Variants in CACNA1A observed in about 807,000 individuals in gnomAD.
The protein encoded by CACNA1A is calcium voltage-gated channel subunit alpha1 A, also known as voltage-dependent P/Q-type calcium channel subunit alpha-1A.
A neutral mutation model predicts 262.4 loss-of-function variants in CACNA1A; 57 were observed. That is an observed-to-expected ratio of 0.22 (90% CI 0.18 to 0.27). CACNA1A has a LOEUF of 0.27. CACNA1A is among the 10% of genes least tolerant of loss of function. The probability of loss-of-function intolerance (pLI) is 1.00; values close to 1 mark genes in which losing one functional copy is unlikely to be tolerated. For synonymous variants in CACNA1A, 1,431 were observed against 1,419.3 expected, an observed-to-expected ratio of 1.01 and a Z score of -0.18; for missense variants, 2,526 against 3,562.8, an observed-to-expected ratio of 0.71 and a Z score of 7.41.
At chr19:13,237,931 C>G (rs764748957) in intron 31 of CACNA1A, among the ~76,000 whole-genome samples, 94 of 152,300 alleles carry the variant, frequency 6.2e-4, no homozygotes, top group Non-Finnish European at 1.2e-3. Context: ...CAGGCGGACC[C>G]TGGAAGCAGC....
At chr19:13,284,336 A>G (rs1369670247) in intron 21 of CACNA1A, 2 of 152,208 alleles carry the variant, frequency 1.3e-5, no homozygotes, top group African/African-American at 4.8e-5. Context: ...CAACTAAATA[A>G]AAAAGTACTT....
Position 13,210,854 on chromosome 19 carries a change from C to T in CACNA1A, c.6304-202G>A, listed in dbSNP as rs987339848. 134 of 626,590 alleles carry T rather than the reference C, an allele frequency of 2.1e-4. 2 individuals carry two copies. In the Admixed American group the frequency reaches 3.2e-3, roughly 15 times the overall value. 38.8% of individuals were successfully genotyped at this position (626,590 alleles called of 1,614,324 possible). A position where few individuals can be genotyped will look rare whatever the true frequency, so the allele number is the denominator to read the frequency against. Reference sequence around the variant, plus strand: ...CTGGCGGGTGGGTGTCCCAGGCCCCCGGGGCTGGGCGTCCTCTATTCCCAT... The same window carrying T: ...CTGGCGGGTGGGTGTCCCAGGCCCCTGGGGCTGGGCGTCCTCTATTCCCAT... On this transcript the variant is annotated intron_variant, in intron 43 of 46. Transcript: ENST00000360228.
At chr19:13,220,403 C>T (rs1180384844) in intron 38 of CACNA1A, among the ~76,000 whole-genome samples, 1 of 152,162 alleles carries the variant, frequency 6.6e-6, no homozygotes, top group African/African-American at 2.4e-5. Context: ...AGAATGAGAG[C>T]ACATGGAGGA....
chr19:13,504,007 A>G (rs1379795955), intron 1 of CACNA1A, among the ~76,000 whole-genome samples: 1 of 152,084 alleles, frequency 6.6e-6, no homozygotes, highest in Non-Finnish European at 1.5e-5. Context: ...AGGACACAGC[A>G]GAAGGGCTCC....
chr19:13,290,885 T>C (rs934926739), intron 19 of CACNA1A, among the ~76,000 whole-genome samples: 17 of 152,122 alleles, frequency 1.1e-4, no homozygotes, highest in African/African-American at 4.1e-4. Context: ...GTGGCGGCAT[T>C]TTCTTAGAGG....
At chr19:13,491,749 T>C (rs773054417) in intron 1 of CACNA1A, among the ~76,000 whole-genome samples, 9 of 152,146 alleles carry the variant, frequency 5.9e-5, no homozygotes, top group African/African-American at 1.2e-4. Context: ...GCTGGGAGGA[T>C]TGCTTGAGCC....
At chr19:13,441,776 A>AG (rs1184702922) in intron 3 of CACNA1A, among the ~76,000 whole-genome samples, 1 of 151,778 alleles carries the variant, frequency 6.6e-6, no homozygotes, top group Non-Finnish European at 1.5e-5. Flanking sequence ...CCCTGGTGAG[A>AG]GGAGAGGAGT....
Position 13,286,625 on chromosome 19 carries a change from A to C in CACNA1A, c.3431T>G (p.Leu1144Arg). The C allele has an allele frequency of 7.3e-7, 1 of 1,370,318 alleles. No homozygotes were observed. Among genetic ancestry groups the C allele is most frequent in the South Asian group, 1.3e-5 (1 of 75,942 alleles). The allele number at this position is 1,370,318 out of a possible 1,614,324, so 84.9% of individuals were successfully genotyped here. Reference protein sequence around the residue: ...PGPPKTPENSLIVTNPSGTQT... With the variant: ...PGPPKTPENSRIVTNPSGTQT... ...GGTGCCGCTGGGGTTGGTGACGATA[A>C]GGCTATTCTCGGGGGTCTTGGGGGG... Residue 1144 changes from leucine to arginine, a missense_variant, in exon 20 of 47, where the codon CTT (leucine) becomes CGT (arginine). Physicochemically the swap from Leu to Arg is moderately radical, Grantham distance 102. Around this residue, in one of 17 missense-constraint regions of CACNA1A, gnomAD observed 765 missense variants for 748.6 expected, o/e 1.02. Coordinates refer to ENST00000360228, the MANE Select transcript of CACNA1A (RefSeq NM_001127222.2).
intron 4 of CACNA1A, among the ~76,000 whole-genome samples, chr19:13,368,959 A>C (rs1599301453): frequency 7.8e-6 from 1 of 128,404 alleles, no homozygotes; most frequent in Non-Finnish European, 1.5e-5. Flanking sequence ...AATGGCGTGA[A>C]CCCGGGAGGC....
intron 1 of CACNA1A, among the ~76,000 whole-genome samples, chr19:13,480,009 A>G (rs1216077556): frequency 2.0e-5 from 3 of 152,248 alleles, no homozygotes; most frequent in African/African-American, 7.2e-5. Flanking sequence ...CCAAAGAGAC[A>G]GTATTTACTA....
chr19:13,350,051 T>C lies in CACNA1A; in HGVS notation c.978+9555A>G, dbSNP rs370003640. Among the ~76,000 whole-genome samples, 14 of 152,270 alleles carry C rather than the reference T, an allele frequency of 9.2e-5. No individual in the cohort carries two copies. The East Asian group carries it at 1.9e-3, about 21-fold the overall frequency. On this transcript the variant is annotated intron_variant, in intron 6 of 46. Coordinates refer to ENST00000360228, the MANE Select transcript of CACNA1A (RefSeq NM_001127222.2). ...TTGTTTTGTAGCAGTTAGAAGTGAG[T>C]TGGACCTCACTTTTGGCACAGAATT...
In CACNA1A at chr19:13,286,753, G is replaced by A. The variant is rs748999071; in HGVS notation, c.3303C>T (p.Thr1101=). Residue 1101 remains threonine, a synonymous_variant, in exon 20 of 47, where the codon ACC becomes ACT. Coordinates refer to ENST00000360228, the MANE Select transcript of CACNA1A (RefSeq NM_001127222.2). ...PQSPAKMGNS[T]DPGPMLAIPA... ...GGATGGCCAGCATGGGGCCGGGGTC[G>A]GTGCTGTTTCCCATCTTGGCTGGGC... The A allele has an allele frequency of 3.7e-6, 6 of 1,608,996 alleles. No individual in the cohort carries two copies. Among genetic ancestry groups the A allele is most frequent in the Admixed American group, 3.3e-5 (2 of 59,726 alleles).
In CACNA1A at chr19:13,227,648, C is replaced by A. The variant is rs773249252; in HGVS notation, c.5529-121G>T. The A allele has an allele frequency of 1.8e-5, 7 of 395,060 alleles. 1 individual carries two copies. Among genetic ancestry groups the A allele is most frequent in the South Asian group, 2.0e-4 (2 of 9,966 alleles). 24.5% of individuals were successfully genotyped at this position (395,060 alleles called of 1,614,324 possible). On this transcript the variant is annotated intron_variant, in intron 36 of 46. Transcript: ENST00000360228. ...AGAAGAAAGAAAAAAGAAATCCACA[C>A]GAGCCGAAAAAATAGAGAGAGAAAG...
At chr19:13,490,863 GGAAAGGAAGGAAAGGA>G (rs1460959382) in intron 1 of CACNA1A, among the ~76,000 whole-genome samples, 3 of 134,882 alleles carry the variant, frequency 2.2e-5, no homozygotes, top group Non-Finnish European at 3.1e-5. Flanking sequence ...GAAAGAGAAA[GGAAAGGAAGGAAAGGA>G]GGAAGGAAGG....
rs904925620 is a variant in CACNA1A at position 13,231,992 on chromosome 19, C to T, written c.5250-132G>A. 6 of 750,896 alleles carry T rather than the reference C, an allele frequency of 8.0e-6. No homozygotes were observed. The African/African-American group carries it at 8.8e-5, about 11-fold the overall frequency. The allele number at this position is 750,896 out of a possible 1,614,324, so 46.5% of individuals were successfully genotyped here. The stretch of plus-strand genomic sequence containing the variant: ...GCCAGGCAAGCCCCAGGTGGACCAC[C>T]TCCTTTTACTGGGAGCTGAGAGAAG... On this transcript the variant is annotated intron_variant, in intron 34 of 46. Transcript: ENST00000360228.
chr19:13,412,601 C>T (rs562856318), intron 3 of CACNA1A, among the ~76,000 whole-genome samples: 16 of 151,912 alleles, frequency 1.1e-4, no homozygotes, highest in Admixed American at 8.5e-4. Flanking sequence ...CCTCAGCCTC[C>T]CGAGTAGCTG....
rs540448952 is a variant in CACNA1A at position 13,244,926 on chromosome 19, C to A, written c.4950+256G>T. On this transcript the variant is annotated intron_variant, in intron 31 of 46. Transcript: ENST00000360228. ...CTCATCTGCATTATTAATTCCTAGGCCAGGATGCAGGAAAGCCCACCCCTC... is the reference window on the plus strand; with the variant it reads ...CTCATCTGCATTATTAATTCCTAGGACAGGATGCAGGAAAGCCCACCCCTC... 7 of 531,566 alleles carry A rather than the reference C, an allele frequency of 1.3e-5. No individual in the cohort carries two copies. The South Asian group carries it at 1.9e-4, about 14-fold the overall frequency. 32.9% of individuals were successfully genotyped at this position (531,566 alleles called of 1,614,324 possible).
chr19:13,466,491 C>T (rs1161080796), intron 1 of CACNA1A, among the ~76,000 whole-genome samples: 1 of 151,982 alleles, frequency 6.6e-6, no homozygotes, highest in East Asian at 1.9e-4. Flanking sequence ...CAGGCACCCA[C>T]CACCATACCT....
At position 13,221,234 on chromosome 19, in the gene CACNA1A, C is replaced by CTTTCT. The variant is rs1555734435; in HGVS notation, c.5731+3432_5731+3433insAGAAA. Among the ~76,000 whole-genome samples, 178 of 36,298 alleles carry CTTTCT rather than the reference C, an allele frequency of 4.9e-3. 17 individuals are homozygous for CTTTCT. Among genetic ancestry groups the CTTTCT allele is most frequent in the African/African-American group, 0.025 (165 of 6,654 alleles). 23.8% of individuals were successfully genotyped at this position (36,298 alleles called of 152,430 possible). On this transcript the variant is annotated intron_variant, in intron 38 of 46. Transcript: ENST00000360228. ...TGTTTTTTCTTTTCTTTCTTTCTTT[C>CTTTCT]TTTTTTTTTTTTTTTTTGAGACAGA... is the stretch of plus-strand genomic sequence containing the variant.
Sources: gnomAD v4.1 joint callset for allele counts (sites outside exome capture counted in the v4.1 genomes callset) on GRCh38, gnomAD v4.1.1 for gene constraint, gnomAD v4.1.1 regional missense constraint, MANE v1.5 for transcripts, NCBI Gene and HGNC (gene_info 2026-07-23, HGNC 2026-07-21) for gene names.